TANK: variants seen among roughly 807,000 people sequenced by gnomAD.
TANK encodes the protein TRAF family member associated NFKB activator.
Under a neutral mutation model 43.6 loss-of-function variants are expected in TANK, and 15 were observed. The ratio of observed to expected loss-of-function variants is 0.34; its 90% CI spans 0.23 to 0.53. The LOEUF is 0.53. TANK is among the 20% of genes least tolerant of loss of function. The probability of loss-of-function intolerance (pLI) is 0.94; values close to 1 mark genes in which losing one functional copy is unlikely to be tolerated. For synonymous variants in TANK, 162 were observed against 178.2 expected, an observed-to-expected ratio of 0.91 and a Z score of 0.73; for missense variants, 417 against 498.6, an observed-to-expected ratio of 0.84 and a Z score of 1.56.
intron 2 of TANK, among the ~76,000 whole-genome samples, chr2:161,183,680 A>G (rs1685530935): frequency 6.6e-6 from 1 of 152,290 alleles, no homozygotes; most frequent in Non-Finnish European, 1.5e-5. Context: ...TAAGTACTCA[A>G]GAATGGATGA....
chr2:161,178,103 A>G (rs1271423980), intron 1 of TANK, among the ~76,000 whole-genome samples: 2 of 152,148 alleles, frequency 1.3e-5, no homozygotes, highest in African/African-American at 4.8e-5. Context: ...GGAAACTGGC[A>G]GTTCCTCAAA....
chr2:161,151,238 G>A (rs1242527491), intron 1 of TANK, among the ~76,000 whole-genome samples: 2 of 152,138 alleles, frequency 1.3e-5, no homozygotes, highest in Non-Finnish European at 2.9e-5. Context: ...TGAGAAGAAT[G>A]TATATTCAGC....
At chr2:161,192,672 G>A (rs1685970627) in intron 2 of TANK, among the ~76,000 whole-genome samples, 1 of 152,120 alleles carries the variant, frequency 6.6e-6, no homozygotes, top group African/African-American at 2.4e-5. Flanking sequence ...ATACACAGAA[G>A]CAGTCTTCTT....
At chr2:161,145,757 T>C (rs555635772) in intron 1 of TANK, among the ~76,000 whole-genome samples, 34 of 152,114 alleles carry the variant, frequency 2.2e-4, no homozygotes, top group Admixed American at 2.0e-3. Context: ...CCTTAACATT[T>C]TTTCCTTCAT....
At chr2:161,149,525 A>G (rs1684012871) in intron 1 of TANK, among the ~76,000 whole-genome samples, 1 of 152,186 alleles carries the variant, frequency 6.6e-6, no homozygotes, top group Non-Finnish European at 1.5e-5. Context: ...GACAGTGTTA[A>G]ATAGCAGTGG....
rs1174679085 is a variant in TANK at position 161,179,639 on chromosome 2, A to G, written c.-24A>G. On this transcript the variant is annotated 5_prime_UTR_variant, in exon 2 of 8. It adds an upstream start codon to the 5' untranslated region. Transcript: ENST00000392749. ...ACCTGTCATTTACTCCATCCTTTAT[A>G]GTGATGCTACAGGACGAAGAGGAAT... 1 of 1,612,302 alleles carries G rather than the reference A, an allele frequency of 6.2e-7. No homozygotes were observed. The highest frequency in any genetic ancestry group is 1.1e-5 in the South Asian group (1 of 90,878).
At chr2:161,164,316 C>T (rs368797399) in intron 1 of TANK, among the ~76,000 whole-genome samples, 2 of 152,022 alleles carry the variant, frequency 1.3e-5, no homozygotes, top group Non-Finnish European at 2.9e-5. Context: ...AATTGCAGTT[C>T]GTTTGTGTTC....
At chr2:161,211,909 T>C (rs189284437) in intron 4 of TANK, 865 of 983,988 alleles carry the variant, frequency 8.8e-4, no homozygotes, top group Admixed American at 9.8e-4. Context: ...ATATATACCC[T>C]ATTTTTATAT....
Position 161,235,566 on chromosome 2 carries a change from T to G in TANK, c.*48T>G, listed in dbSNP as rs1318517178. On this transcript the variant is annotated 3_prime_UTR_variant, in exon 8 of 8. Transcript: ENST00000392749. ...TCAAGTTCTATGTGATGATTTTGGG[T>G]TTTTAATACTATAAATACTTGATTG... 1 of 1,441,448 alleles carries G rather than the reference T, an allele frequency of 6.9e-7. No homozygotes were observed. Among genetic ancestry groups the G allele is most frequent in the Non-Finnish European group, 9.4e-7 (1 of 1,064,632 alleles). The allele number at this position is 1,441,448 out of a possible 1,614,324, so 89.3% of individuals were successfully genotyped here. A position where few individuals can be genotyped will look rare whatever the true frequency, so the allele number is the denominator to read the frequency against.
intron 4 of TANK, among the ~76,000 whole-genome samples, chr2:161,219,020 A>G (rs1687235009): frequency 6.6e-6 from 1 of 152,194 alleles, no homozygotes; most frequent in Non-Finnish European, 1.5e-5. Context: ...TGCAGTTTCT[A>G]TTTTGCATTA....
intron 1 of TANK, among the ~76,000 whole-genome samples, chr2:161,177,282 A>G (rs1189989049): frequency 2.6e-5 from 4 of 152,164 alleles, no homozygotes; most frequent in Non-Finnish European, 4.4e-5. Context: ...AAACCCTGGA[A>G]TTGTTTTTAT....
chr2:161,179,752 AC>A lies in TANK; in HGVS notation c.91del (p.Gln31SerfsTer28). On this transcript the variant is annotated frameshift_variant, in exon 2 of 8. Coordinates refer to ENST00000392749, the MANE Select transcript of TANK (RefSeq NM_001199135.3). LOFTEE classifies it high-confidence loss of function. ...ATAGAGATTCTGCAGTAAAAGAATTACAGCAAAAGGTGTGTGGTTCTGGTTT... is the reference window on the plus strand; with the variant it reads ...ATAGAGATTCTGCAGTAAAAGAATTAAGCAAAAGGTGTGTGGTTCTGGTTT... ...MDRDSAVKELQQKTENYEQRI... is the reference protein window; with the variant it reads ...MDRDSAVKELXQKTENYEQRI... The A allele has an allele frequency of 6.2e-7, 1 of 1,612,336 alleles. No homozygotes were observed. Among genetic ancestry groups the A allele is most frequent in the Non-Finnish European group, 8.5e-7 (1 of 1,178,976 alleles).
At position 161,168,014 on chromosome 2, in the gene TANK, T is replaced by C. The variant is rs114822310; in HGVS notation, c.-50+7528T>C. Among the ~76,000 whole-genome samples the C allele has an allele frequency of 5.2e-3, 786 of 152,236 alleles. 6 individuals carry two copies. Among genetic ancestry groups the C allele is most frequent in the African/African-American group, 0.018 (760 of 41,520 alleles). On this transcript the variant is annotated intron_variant, in intron 1 of 7. Coordinates refer to ENST00000392749, the MANE Select transcript of TANK (RefSeq NM_001199135.3). ...TTCTCACTGGTTTACAGAAATAACATTGATTAGTGATTATACATTGTTGAA... is the reference window on the plus strand; with the variant it reads ...TTCTCACTGGTTTACAGAAATAACACTGATTAGTGATTATACATTGTTGAA...
intron 7 of TANK, among the ~76,000 whole-genome samples, chr2:161,234,039 A>G (rs1688054038): frequency 6.6e-6 from 1 of 152,182 alleles, no homozygotes; most frequent in Non-Finnish European, 1.5e-5. Flanking sequence ...TATGAAAGGA[A>G]TTGAGTCAGC....
At chr2:161,142,330 G>T (rs1183555915) in intron 1 of TANK, among the ~76,000 whole-genome samples, 1 of 152,118 alleles carries the variant, frequency 6.6e-6, no homozygotes, top group East Asian at 1.9e-4. Context: ...AGTTTAATTA[G>T]ATCTGATTTG....
rs374512932 is a variant in TANK, at chr2:161,166,619, T to C, written c.-50+6133T>C. ...TGAGAAGGCAAGCATGTAACTAAGA[T>C]ACAGAAAAGACCAAGATGTAGTGGG... On this transcript the variant is annotated intron_variant, in intron 1 of 7. Coordinates refer to ENST00000392749, the MANE Select transcript of TANK (RefSeq NM_001199135.3). 4.6e-5 allele frequency among the ~76,000 whole-genome samples: 7 copies of C among 152,248 alleles called. No homozygotes were observed. The East Asian group carries it at 9.7e-4, about 21-fold the overall frequency.
intron 2 of TANK, among the ~76,000 whole-genome samples, chr2:161,184,905 T>G (rs1685587970): frequency 6.6e-6 from 1 of 152,192 alleles, no homozygotes; most frequent in African/African-American, 2.4e-5. Context: ...AGTGTAGATA[T>G]GGAAGTAATG....
intron 4 of TANK, among the ~76,000 whole-genome samples, chr2:161,210,717 A>C (rs1373430076): frequency 6.6e-6 from 1 of 151,850 alleles, no homozygotes; most frequent in Non-Finnish European, 1.5e-5. Context: ...AAAAAAAAGA[A>C]ATTCTAACTA....
intron 2 of TANK, among the ~76,000 whole-genome samples, chr2:161,184,583 T>C (rs907546567): frequency 6.6e-6 from 1 of 152,014 alleles, no homozygotes; most frequent in Admixed American, 6.6e-5. Context: ...GCATTAGAGA[T>C]GAGTTGGGGA....
Sources: gnomAD v4.1 joint callset for allele counts (sites outside exome capture counted in the v4.1 genomes callset) on GRCh38, gnomAD v4.1.1 for gene constraint, MANE v1.5 for transcripts, NCBI Gene and HGNC (gene_info 2026-07-23, HGNC 2026-07-21) for gene names.